SRRM1: variants seen among roughly 807,000 people sequenced by gnomAD.
SRRM1 encodes serine and arginine repetitive matrix 1.
In SRRM1, 19 loss-of-function variants were observed where a neutral mutation model predicts 110.2. The observed-to-expected ratio is 0.17, with a 90% CI of 0.12 to 0.25. The LOEUF (loss-of-function observed/expected upper bound fraction) is 0.25, where lower values mean the gene tolerates loss of function less well. Ranked by LOEUF, SRRM1 falls within the 10% of genes least tolerant of loss-of-function variation. SRRM1 has a pLI of 1.00. For missense variants in SRRM1, 918 were observed against 1,145.8 expected (o/e 0.80, Z 2.87); for synonymous variants, 443 against 414.9 (o/e 1.07, Z -0.82).
intron 7 of SRRM1, 80 bp downstream of exon 7, chr1:24,652,708 A>T (rs1661688665): frequency 7.2e-7 from 1 of 1,379,492 alleles, no homozygotes; most frequent in South Asian, 1.5e-5. Context: ...AAATAATTTC[A>T]AAGTGGTAGA....
Position 24,643,313 on chromosome 1 carries a change from A to C in SRRM1, c.-14A>C, listed in dbSNP as rs1018179554. 5 of 1,564,378 alleles carry C rather than the reference A, an allele frequency of 3.2e-6. No individual in the cohort carries two copies. The highest frequency in any genetic ancestry group is 4.3e-6 in the Non-Finnish European group (5 of 1,159,790). On this transcript the variant is annotated 5_prime_UTR_variant, in exon 1 of 17. Coordinates refer to ENST00000323848, the MANE Select transcript of SRRM1 (RefSeq NM_005839.4). ...ACCCTGGGATAGGGAGCGATCTCCG[A>C]GCGAGGCGGCAAGATGGACGCGGGA...
At position 24,649,260 on chromosome 1, in the gene SRRM1, G is replaced by A. The variant is rs1659182427; in HGVS notation, c.405+231G>A. On this transcript the variant is annotated intron_variant, in intron 4 of 16. Coordinates refer to ENST00000323848, the MANE Select transcript of SRRM1 (RefSeq NM_005839.4). ...AGATTTTTACAAATTCTTAATATGT[G>A]AGTGCATGTAGCTTAAAAGAAATTT... is the stretch of plus-strand genomic sequence containing the variant. Among the ~76,000 whole-genome samples, 3 of 152,168 alleles carry A rather than the reference G, an allele frequency of 2.0e-5. No homozygotes were observed. The South Asian group carries it at 6.2e-4, about 32-fold the overall frequency.
intron 5 of SRRM1, among the ~76,000 whole-genome samples, chr1:24,650,911 C>T (rs1395615927): frequency 6.6e-6 from 1 of 152,134 alleles, no homozygotes; most frequent in Non-Finnish European, 1.5e-5. Context: ...GGCTTCTCCT[C>T]TCGCAAAAAA....
intron 4 of SRRM1, 131 bp downstream of exon 4, chr1:24,649,160 A>T: frequency 1.3e-6 from 1 of 766,878 alleles, no homozygotes; most frequent in Non-Finnish European, 2.0e-6. Context: ...TTAAACATTC[A>T]GTTTTGGTTC....
chr1:24,666,790 T>A (rs927991872), intron 12 of SRRM1, 25 bp from the exon 13 acceptor site: 2 of 1,590,772 alleles, frequency 1.3e-6, no homozygotes, highest in East Asian at 2.3e-5. Context: ...AGAAAAAAAA[T>A]TAACTATAAT....
rs1441917732 is a variant in SRRM1, at chr1:24,651,430, C to A, written c.543C>A (p.Ser181=). ...CTAGACGCAAATCCAGATCTCCTTC[C>A]CCTAGAAGACGATCTTCCCCTGTCA... is the stretch of plus-strand genomic sequence containing the variant. The part of the protein sequence containing the change: ...SPRRRKSRSP[S]PRRRSSPVRR... Residue 181 remains serine (S), a synonymous_variant, in exon 6 of 17, where the codon TCC becomes TCA. Coordinates refer to ENST00000323848, the MANE Select transcript of SRRM1 (RefSeq NM_005839.4). The A allele has an allele frequency of 1.2e-6, 2 of 1,613,998 alleles. No individual in the cohort carries two copies. Among genetic ancestry groups the A allele is most frequent in the Admixed American group, 1.7e-5 (1 of 59,994 alleles).
chr1:24,662,143 A>T (rs1667584638), intron 11 of SRRM1, among the ~76,000 whole-genome samples: 1 of 152,080 alleles, frequency 6.6e-6, no homozygotes. Context: ...TACTATTTGC[A>T]TTTTTTATTG....
intron 1 of SRRM1, 66 bp downstream of exon 1, chr1:24,643,413 T>A (rs1296236752): frequency 3.5e-6 from 5 of 1,443,756 alleles, no homozygotes; most frequent in Non-Finnish European, 4.6e-6. Context: ...GTAGGAGACC[T>A]TAGCTTGGCA....
At chr1:24,660,897 T>G in intron 10 of SRRM1, 98 bp downstream of exon 10, 8 of 811,378 alleles carry the variant, frequency 9.9e-6, no homozygotes, top group Non-Finnish European at 1.6e-5. Context: ...CCCCTTCTGC[T>G]TGAAGATTAA....
intron 4 of SRRM1, among the ~76,000 whole-genome samples, chr1:24,649,675 T>A (rs1371300166): frequency 6.6e-6 from 1 of 152,202 alleles, no homozygotes; most frequent in Non-Finnish European, 1.5e-5. Context: ...TGAAAGTGAT[T>A]TTCTTTTTTA....
chr1:24,648,687 G>A (rs765957690), intron 3 of SRRM1, 172 bp from the exon 4 acceptor site: 30 of 558,186 alleles, frequency 5.4e-5, no homozygotes, highest in Non-Finnish European at 7.8e-5. Flanking sequence ...AGATTATATT[G>A]CTGAGAAGCT....
rs978892911 is a variant in SRRM1 at position 24,645,261 on chromosome 1, A to AT, written c.22-715dup. Among the ~76,000 whole-genome samples, 3 of 152,030 alleles carry AT rather than the reference A, an allele frequency of 2.0e-5. No individual in the cohort carries two copies. In the East Asian group the frequency reaches 5.8e-4, roughly 29 times the overall value. On this transcript the variant is annotated intron_variant, in intron 1 of 16. Transcript: ENST00000323848. The stretch of plus-strand genomic sequence containing the variant: ...CACAGTTTTTACCTTCTCAAACAAA[A>AT]TTTTTTTTGATCGCTTTCCAGGGGA...
intron 12 of SRRM1, among the ~76,000 whole-genome samples, chr1:24,665,584 G>A (rs943283812): frequency 6.7e-6 from 1 of 149,474 alleles, no homozygotes; most frequent in African/African-American, 2.5e-5. Flanking sequence ...GTGGTGGCGG[G>A]CACCTGTAGT....
At chr1:24,668,688 A>T (rs1304831252) in intron 13 of SRRM1, among the ~76,000 whole-genome samples, 1 of 152,214 alleles carries the variant, frequency 6.6e-6, no homozygotes, top group Admixed American at 6.5e-5. Flanking sequence ...GATACCACAT[A>T]GGAGACCTCT....
chr1:24,651,294 A>C, intron 5 of SRRM1, 115 bp from the exon 6 acceptor site: 1 of 797,908 alleles, frequency 1.3e-6, no homozygotes, highest in Non-Finnish European at 2.0e-6. Context: ...TCCATAGGGA[A>C]ACATCTCAGA....
chr1:24,643,494 C>CA (rs1210154618), intron 1 of SRRM1, 147 bp downstream of exon 1: 4 of 557,346 alleles, frequency 7.2e-6, no homozygotes, highest in South Asian at 4.3e-5. Context: ...CCCCCCCCCC[C>CA]CCGTGCGCTG....
rs1361481732 is a variant in SRRM1 at position 24,649,181 on chromosome 1, C to T, written c.405+152C>T. ...ATTCAGTTTTGGTTCACTGCTCCTC[C>T]CTCCAACCAAACATTGAGTTTAGAA... On this transcript the variant is annotated intron_variant, in intron 4 of 16. Coordinates refer to ENST00000323848, the MANE Select transcript of SRRM1 (RefSeq NM_005839.4). The T allele has an allele frequency of 8.2e-6, 5 of 611,134 alleles. No homozygotes were observed. The African/African-American group carries it at 9.4e-5, about 12-fold the overall frequency. The allele number at this position is 611,134 out of a possible 1,614,324, so 37.9% of individuals were successfully genotyped here.
intron 3 of SRRM1, 99 bp from the exon 4 acceptor site, chr1:24,648,760 C>A: frequency 9.0e-7 from 1 of 1,106,216 alleles, no homozygotes; most frequent in Non-Finnish European, 1.3e-6. Context: ...CTATGGTAGA[C>A]TTAAAAAATA....
intron 1 of SRRM1, 95 bp from the exon 2 acceptor site, chr1:24,645,889 C>T (rs1213291525): frequency 4.4e-6 from 4 of 904,324 alleles, no homozygotes; most frequent in Admixed American, 2.2e-5. Context: ...ATTGTGTTTA[C>T]TTGGTTACCC....
Sources: allele counts gnomAD v4.1 joint callset (sites outside exome capture counted in the v4.1 genomes callset), GRCh38; gene constraint gnomAD v4.1.1; transcripts MANE v1.5; gene names NCBI Gene and HGNC (gene_info 2026-07-23, HGNC 2026-07-21).